Variants in NEK7 observed in about 807,000 individuals in gnomAD.
NEK7 encodes the protein serine/threonine-protein kinase Nek7.
A neutral mutation model predicts 44.6 loss-of-function variants in NEK7; 18 were observed. The observed-to-expected ratio is 0.40, with a 90% CI of 0.28 to 0.60. The LOEUF is 0.60. Among genes scored for constraint, NEK7 ranks in the 20% least tolerant of loss-of-function variants. NEK7 has a pLI of 0.38. For missense variants in NEK7, 256 were observed against 366.5 expected (o/e 0.70, Z 2.46); for synonymous variants, 130 against 121.1 (o/e 1.07, Z -0.48).
At chr1:198,268,106 C>G (rs902036590) in intron 5 of NEK7, among the ~76,000 whole-genome samples, 1 of 151,640 alleles carries the variant, frequency 6.6e-6, no homozygotes, top group East Asian at 1.9e-4. Context: ...TCTCTTCTTC[C>G]TGGCCTTTAA....
rs1470432122 is a variant in NEK7, at chr1:198,290,947, T to G, written c.590-1998T>G. Among the ~76,000 whole-genome samples the G allele has an allele frequency of 1.3e-5, 2 of 152,330 alleles. 1 individual carries two copies. Among genetic ancestry groups the G allele is most frequent in the South Asian group, 4.1e-4 (2 of 4,830 alleles). On this transcript the variant is annotated intron_variant, in intron 7 of 9. Transcript: ENST00000367385. ...ATTAACATTTTTTACATTTTAAGTT[T>G]AGCTTAGTAGAATTCCTAATCATTC... is the stretch of plus-strand genomic sequence containing the variant.
intron 5 of NEK7, among the ~76,000 whole-genome samples, chr1:198,265,262 C>A (rs979966164): frequency 3.9e-5 from 6 of 152,102 alleles, no homozygotes; most frequent in African/African-American, 1.4e-4. Flanking sequence ...AAAAGAAAGT[C>A]TTCATTCAGC....
intron 6 of NEK7, 45 bp downstream of exon 6, chr1:198,278,114 G>GT (rs1654074030): frequency 1.9e-6 from 2 of 1,044,078 alleles, no homozygotes; most frequent in Non-Finnish European, 3.0e-6. Context: ...TTTAAATGAT[G>GT]TAAGTTCTTC....
At chr1:198,196,191 G>C (rs988690913) in intron 1 of NEK7, among the ~76,000 whole-genome samples, 5 of 152,106 alleles carry the variant, frequency 3.3e-5, no homozygotes, top group Non-Finnish European at 7.4e-5. Flanking sequence ...GGGCATTATT[G>C]CTTATAGACC....
intron 2 of NEK7, among the ~76,000 whole-genome samples, chr1:198,240,824 T>A (rs551296984): frequency 5.3e-5 from 8 of 152,214 alleles, no homozygotes; most frequent in African/African-American, 1.9e-4. Context: ...GCCTCCTGAG[T>A]AGCTGGGATT....
intron 7 of NEK7, among the ~76,000 whole-genome samples, chr1:198,286,422 C>CT (rs34104462): frequency 0.22 from 31,855 of 142,842 alleles, 3,888 homozygotes; most frequent in South Asian, 0.35. Context: ...AGAGGTCACA[C>CT]TTTTTTTTTT....
At chr1:198,206,608 T>A (rs962261240) in intron 1 of NEK7, among the ~76,000 whole-genome samples, 4 of 152,128 alleles carry the variant, frequency 2.6e-5, no homozygotes, top group Non-Finnish European at 5.9e-5. Flanking sequence ...TGTCAGTGTA[T>A]TGCCCTATTG....
intron 1 of NEK7, among the ~76,000 whole-genome samples, chr1:198,214,026 A>G (rs564844395): frequency 1.3e-5 from 2 of 152,304 alleles, no homozygotes; most frequent in South Asian, 2.1e-4. Context: ...TACCCGGCAC[A>G]TTGCTACTAC....
intron 1 of NEK7, among the ~76,000 whole-genome samples, chr1:198,174,330 C>T (rs1220226087): frequency 1.3e-5 from 2 of 151,212 alleles, no homozygotes; most frequent in East Asian, 3.9e-4. Flanking sequence ...CTTAATTTTA[C>T]GTTTTTGAAA....
intron 1 of NEK7, among the ~76,000 whole-genome samples, chr1:198,217,412 C>CAACA (rs113087200): frequency 0.51 from 77,431 of 151,356 alleles, 23,020 homozygotes; most frequent in East Asian, 0.89. Context: ...TAAAAACCCT[C>CAACA]AACTAGGCAT....
intron 4 of NEK7, among the ~76,000 whole-genome samples, chr1:198,263,886 T>G (rs1272395151): frequency 6.6e-6 from 1 of 151,976 alleles, no homozygotes; most frequent in Non-Finnish European, 1.5e-5. Flanking sequence ...TAAATTAAGA[T>G]TTAAACGTAA....
intron 9 of NEK7, among the ~76,000 whole-genome samples, chr1:198,299,262 T>G (rs945050880): frequency 2.0e-5 from 3 of 152,360 alleles, no homozygotes; most frequent in African/African-American, 7.2e-5. Flanking sequence ...GTTACTTTAA[T>G]CTATTTAGTT....
chr1:198,262,508 T>A, intron 3 of NEK7, 67 bp from the exon 4 acceptor site: 1 of 992,244 alleles, frequency 1.0e-6, no homozygotes, highest in Non-Finnish European at 1.5e-6. Context: ...AGTATTAAAA[T>A]GAATTTACAC....
chr1:198,175,253 A>G (rs1163219035), intron 1 of NEK7, among the ~76,000 whole-genome samples: 1 of 152,208 alleles, frequency 6.6e-6, no homozygotes, highest in Non-Finnish European at 1.5e-5. Context: ...ATGTAAAACC[A>G]TGTGTTAATT....
intron 3 of NEK7, among the ~76,000 whole-genome samples, chr1:198,261,281 G>A (rs1411867514): frequency 6.6e-6 from 1 of 151,986 alleles, no homozygotes; most frequent in Non-Finnish European, 1.5e-5. Context: ...AGAAAACACT[G>A]ACTATGGAGC....
rs550668846 is a variant in NEK7 at position 198,253,026 on chromosome 1, A to G, written c.58-14A>G. The G allele has an allele frequency of 1.8e-5, 28 of 1,594,498 alleles. No homozygotes were observed. The East Asian group carries it at 6.1e-4, about 35-fold the overall frequency. Reference sequence around the variant, plus strand: ...TTGTGTGATTGAAAATTTTTCTGACATTTTTAATTACAGAAGGCCTTACGA... The same window carrying G: ...TTGTGTGATTGAAAATTTTTCTGACGTTTTTAATTACAGAAGGCCTTACGA... On this transcript the variant is annotated splice_polypyrimidine_tract_variant and intron_variant, in intron 2 of 9. Coordinates refer to ENST00000367385, the MANE Select transcript of NEK7 (RefSeq NM_133494.3).
At position 198,190,128 on chromosome 1, in the gene NEK7, T is replaced by A. The variant is rs189860527; in HGVS notation, c.-29+32852T>A. ...ATTACTGCCACATTAAGTTTTCTGT[T>A]CTTGAAGATGTATAAAAATTACCCC... On this transcript the variant is annotated intron_variant, in intron 1 of 9. Coordinates refer to ENST00000367385, the MANE Select transcript of NEK7 (RefSeq NM_133494.3). Among the ~76,000 whole-genome samples the A allele has an allele frequency of 3.6e-3, 549 of 152,242 alleles. 1 individual carries two copies. Among genetic ancestry groups the A allele is most frequent in the Non-Finnish European group, 3.7e-3 (250 of 67,976 alleles).
chr1:198,264,415 G>T (rs567517780), intron 5 of NEK7, among the ~76,000 whole-genome samples, 180 bp downstream of exon 5: 45 of 151,936 alleles, frequency 3.0e-4, no homozygotes, highest in African/African-American at 1.0e-3. Flanking sequence ...TGGTTTACTT[G>T]GTGATGTTTA....
At chr1:198,270,056 A>T (rs1028539066) in intron 5 of NEK7, among the ~76,000 whole-genome samples, 1 of 151,958 alleles carries the variant, frequency 6.6e-6, no homozygotes, top group Non-Finnish European at 1.5e-5. Context: ...TGTTTATTTC[A>T]CTATTCTAAT....
Sources: gnomAD v4.1 joint callset for allele counts (sites outside exome capture counted in the v4.1 genomes callset) on GRCh38, gnomAD v4.1.1 for gene constraint, MANE v1.5 for transcripts, NCBI Gene and HGNC (gene_info 2026-07-23, HGNC 2026-07-21) for gene names.